SAMD3: variants seen among roughly 807,000 people sequenced by gnomAD.
The protein encoded by SAMD3 is sterile alpha motif domain-containing protein 3.
Under a neutral mutation model 58.5 loss-of-function variants are expected in SAMD3, and 63 were observed. The observed-to-expected ratio is 1.08, with a 90% confidence interval of 0.88 to 1.33. The LOEUF is 1.33. Among genes scored for constraint, SAMD3 ranks in the 40% most tolerant of loss-of-function variants. The probability of loss-of-function intolerance (pLI) is 0.00; values close to 1 mark genes in which losing one functional copy is unlikely to be tolerated. For missense variants in SAMD3, 604 were observed against 608.4 expected (o/e 0.99, Z 0.08); for synonymous variants, 220 against 210.3 (o/e 1.05, Z -0.40).
At chr6:130,267,799 A>G (rs1774413554) in intron 2 of SAMD3, among the ~76,000 whole-genome samples, 1 of 152,168 alleles carries the variant, frequency 6.6e-6, no homozygotes, top group Non-Finnish European at 1.5e-5. Context: ...AGCCCCTGTC[A>G]CTTATGCCCT....
intron 2 of SAMD3, among the ~76,000 whole-genome samples, chr6:130,288,845 G>T (rs868109030): frequency 1.3e-5 from 2 of 152,296 alleles, no homozygotes; most frequent in Middle Eastern, 6.8e-3. Flanking sequence ...CTTATGAGGG[G>T]TGTAAATGCT....
chr6:130,233,341 T>C (rs1796598893), intron 2 of SAMD3, among the ~76,000 whole-genome samples: 1 of 152,204 alleles, frequency 6.6e-6, no homozygotes, highest in Non-Finnish European at 1.5e-5. Flanking sequence ...CACGGTGGTT[T>C]GCTGCACCCA....
rs138810088 is a variant in SAMD3, at chr6:130,314,678, T to C, written c.-303-1585A>G. ...AATTTAATTTCAATAATTAACAAAA[T>C]GATAGGTGGAAATTCTTCACAGATA... On this transcript the variant is annotated intron_variant, in intron 1 of 13. Transcript: ENST00000368134. 3.5e-3 allele frequency among the ~76,000 whole-genome samples: 536 copies of C among 152,298 alleles called. 5 individuals carry two copies. Among genetic ancestry groups the C allele is most frequent in the Middle Eastern group, 0.031 (9 of 294 alleles).
At chr6:130,331,822 C>T (rs1298217214) in intron 1 of SAMD3, among the ~76,000 whole-genome samples, 3 of 152,126 alleles carry the variant, frequency 2.0e-5, no homozygotes, top group Non-Finnish European at 2.9e-5. Flanking sequence ...TGTTTATGTG[C>T]TTCTGTGTGT....
chr6:130,258,910 G>A (rs1774015845), intron 2 of SAMD3, among the ~76,000 whole-genome samples: 1 of 152,120 alleles, frequency 6.6e-6, no homozygotes, highest in South Asian at 2.1e-4. Context: ...ATTATTAATA[G>A]TACTGAATAA....
At chr6:130,308,388 C>CTATTCTATTCTATTCTATT (rs1776002901) in intron 2 of SAMD3, among the ~76,000 whole-genome samples, 2 of 144,462 alleles carry the variant, frequency 1.4e-5, no homozygotes, top group African/African-American at 5.3e-5. Context: ...CTATTCTATT[C>CTATTCTATTCTATTCTATT]TATTCTATTC....
At chr6:130,193,009 A>G (rs751862862) in intron 5 of SAMD3, among the ~76,000 whole-genome samples, 1 of 152,120 alleles carries the variant, frequency 6.6e-6, no homozygotes, top group Non-Finnish European at 1.5e-5. Flanking sequence ...GACACGTTTC[A>G]TCCGTGGACC....
chr6:130,290,811 T>C (rs1775337398), intron 2 of SAMD3, among the ~76,000 whole-genome samples: 1 of 152,208 alleles, frequency 6.6e-6, no homozygotes, highest in African/African-American at 2.4e-5. Flanking sequence ...TTGGCTACTA[T>C]TAAACAAAAG....
At chr6:130,198,656 C>T in intron 5 of SAMD3, among the ~76,000 whole-genome samples, 1 of 152,080 alleles carries the variant, frequency 6.6e-6, no homozygotes, top group Non-Finnish European at 1.5e-5. Context: ...GTTACTAAGC[C>T]CATAAATTTG....
At chr6:130,196,798 T>G (rs1365960021) in intron 5 of SAMD3, among the ~76,000 whole-genome samples, 45 of 152,338 alleles carry the variant, frequency 3.0e-4, no homozygotes, top group African/African-American at 1.1e-3. Flanking sequence ...TACCTCTTAG[T>G]CTAGGTAGAC....
Position 130,202,572 on chromosome 6 carries a change from ATAAGTATTTCC to A in SAMD3, c.383+6912_383+6922del, listed in dbSNP as rs371193953. 3.5e-3 allele frequency among the ~76,000 whole-genome samples: 526 copies of A among 152,294 alleles called. 5 individuals carry two copies. The highest frequency in any genetic ancestry group is 0.01 in the African/African-American group (427 of 41,556). On this transcript the variant is annotated intron_variant, in intron 5 of 11. Coordinates refer to ENST00000439090, the MANE Select transcript of SAMD3 (RefSeq NM_001017373.4). ...CCTGATTTAGGTAAGGAATCTTTAA[ATAAGTATTTCC>A]TAAGGTGTTTTGTTGTAATGTTAAT...
At chr6:130,335,827 T>G (rs1011235748) in intron 1 of SAMD3, among the ~76,000 whole-genome samples, 54 of 151,994 alleles carry the variant, frequency 3.6e-4, no homozygotes, top group Non-Finnish European at 4.1e-4. Context: ...TGGAATACTA[T>G]GCAGCCATAA....
intron 2 of SAMD3, among the ~76,000 whole-genome samples, chr6:130,301,381 G>A (rs554238261): frequency 5.2e-4 from 79 of 152,212 alleles, no homozygotes; most frequent in African/African-American, 1.8e-3. Flanking sequence ...CCAAGAAGGC[G>A]AAAGATCTTT....
intron 8 of SAMD3, chr6:130,160,260 A>C (rs1790172146): frequency 6.6e-6 from 1 of 152,252 alleles, no homozygotes; most frequent in Non-Finnish European, 1.5e-5. Flanking sequence ...GAGCCAAATA[A>C]ACTGGTTGCC....
chr6:130,263,120 A>G (rs1165065859), intron 2 of SAMD3, among the ~76,000 whole-genome samples: 1 of 152,250 alleles, frequency 6.6e-6, no homozygotes, highest in Non-Finnish European at 1.5e-5. Context: ...TCATACAGGA[A>G]GCATTGTTAA....
chr6:130,261,963 GGAGAAAGAGAGAGGCA>G (rs1774156559), intron 2 of SAMD3, among the ~76,000 whole-genome samples: 1 of 151,694 alleles, frequency 6.6e-6, no homozygotes, highest in Non-Finnish European at 1.5e-5. Context: ...GAGACAGAGA[GGAGAAAGAGAGAGGCA>G]GAGAAAGAGA....
At chr6:130,222,474 A>G (rs532041602) in intron 1 of SAMD3, among the ~76,000 whole-genome samples, 2 of 152,348 alleles carry the variant, frequency 1.3e-5, no homozygotes, top group East Asian at 3.9e-4. Context: ...AGTATGATTC[A>G]GATTTGTGGA....
chr6:130,357,414 A>G (rs1032665932), intron 1 of SAMD3, among the ~76,000 whole-genome samples: 4 of 151,958 alleles, frequency 2.6e-5, no homozygotes, highest in Admixed American at 1.3e-4. Context: ...GTGAGCCACC[A>G]CACCCGGCCG....
chr6:130,354,704 A>G (rs1213826131), intron 1 of SAMD3, among the ~76,000 whole-genome samples: 1 of 152,220 alleles, frequency 6.6e-6, no homozygotes, highest in Non-Finnish European at 1.5e-5. Context: ...ATTGGGCACC[A>G]GGTTTAGTAC....
Sources: gnomAD v4.1 joint callset for allele counts (sites outside exome capture counted in the v4.1 genomes callset) on GRCh38, gnomAD v4.1.1 for gene constraint, MANE v1.5 for transcripts, NCBI Gene and HGNC (gene_info 2026-07-23, HGNC 2026-07-21) for gene names.